CCSER1: variants seen among roughly 807,000 people sequenced by gnomAD.
CCSER1 encodes the protein coiled-coil serine rich protein 1, also known as serine-rich coiled-coil domain-containing protein 1.
Under a neutral mutation model 82.0 loss-of-function variants are expected in CCSER1, and 41 were observed. The ratio of observed to expected loss-of-function variants is 0.50; its 90% CI spans 0.39 to 0.65. The LOEUF (loss-of-function observed/expected upper bound fraction) is 0.65. Among genes scored for constraint, CCSER1 ranks in the 30% least tolerant of loss-of-function variants. The pLI is 0.00. For missense variants in CCSER1, 1,119 were observed against 1,064.2 expected (o/e 1.05, Z -0.72); for synonymous variants, 414 against 383.9 (o/e 1.08, Z -0.92).
intron 6 of CCSER1, among the ~76,000 whole-genome samples, chr4:90,690,811 C>T (rs1054583419): frequency 5.3e-5 from 8 of 151,994 alleles, no homozygotes; most frequent in Admixed American, 2.0e-4. Flanking sequence ...GGATTGAATT[C>T]CTGACTACCT....
chr4:90,376,741 A>G (rs1748378742), intron 3 of CCSER1, among the ~76,000 whole-genome samples: 1 of 152,180 alleles, frequency 6.6e-6, no homozygotes, highest in Admixed American at 6.5e-5. Flanking sequence ...TGATGCAGTC[A>G]TGGGAAAATT....
chr4:90,268,211 T>C (rs981345031), intron 1 of CCSER1, among the ~76,000 whole-genome samples: 1 of 152,126 alleles, frequency 6.6e-6, no homozygotes, highest in South Asian at 2.1e-4. Context: ...CATCTGAAGG[T>C]TCTCACTGGT....
intron 8 of CCSER1, among the ~76,000 whole-genome samples, chr4:90,911,844 G>A (rs1032448012): frequency 6.6e-6 from 1 of 152,206 alleles, no homozygotes; most frequent in Admixed American, 6.5e-5. Flanking sequence ...TCCACGCCTG[G>A]CTCAGAGGGT....
At chr4:91,369,462 T>C (rs1484546713) in intron 10 of CCSER1, among the ~76,000 whole-genome samples, 1 of 152,226 alleles carries the variant, frequency 6.6e-6, no homozygotes, top group African/African-American at 2.4e-5. Flanking sequence ...TTGTTATCTT[T>C]GTCTCCAGAA....
At chr4:91,335,618 A>G (rs539298727) in intron 10 of CCSER1, among the ~76,000 whole-genome samples, 1 of 152,248 alleles carries the variant, frequency 6.6e-6, no homozygotes, top group Admixed American at 6.6e-5. Flanking sequence ...AATAATATCC[A>G]GAACATGAAT....
intron 4 of CCSER1, among the ~76,000 whole-genome samples, chr4:90,446,118 A>T (rs10000109): frequency 0.077 from 11,719 of 152,202 alleles, 606 homozygotes; most frequent in African/African-American, 0.14. Context: ...TTGGCAACTT[A>T]GAATCTGTTC....
intron 10 of CCSER1, among the ~76,000 whole-genome samples, chr4:91,517,744 TCG>T (rs1491144923): frequency 2.4e-5 from 3 of 125,178 alleles, no homozygotes; most frequent in Admixed American, 8.2e-5. Flanking sequence ...CAGTTCTTTC[TCG>T]TGTGTGTGTG....
chr4:90,282,770 G>A (rs1161751151), intron 1 of CCSER1, among the ~76,000 whole-genome samples: 1 of 151,824 alleles, frequency 6.6e-6, no homozygotes, highest in Non-Finnish European at 1.5e-5. Flanking sequence ...TGAGCTTTTT[G>A]GTTAAGACTC....
chr4:91,466,604 C>A (rs1756924278), intron 10 of CCSER1, among the ~76,000 whole-genome samples: 1 of 151,996 alleles, frequency 6.6e-6, no homozygotes, highest in Non-Finnish European at 1.5e-5. Flanking sequence ...TTTAGAAAAC[C>A]CCATCATCTC....
chr4:90,638,272 T>C (rs975531146), intron 6 of CCSER1, among the ~76,000 whole-genome samples: 1 of 152,126 alleles, frequency 6.6e-6, no homozygotes, highest in Non-Finnish European at 1.5e-5. Context: ...CATGTGGTTG[T>C]TGCACAGGTT....
chr4:91,277,529 T>TG, intron 10 of CCSER1, among the ~76,000 whole-genome samples: 1 of 149,466 alleles, frequency 6.7e-6, no homozygotes, highest in South Asian at 2.1e-4. Context: ...TTTTGTCCTT[T>TG]TTTTTTTTTT....
chr4:91,443,200 A>G (rs1009785441), intron 10 of CCSER1, among the ~76,000 whole-genome samples: 1 of 152,164 alleles, frequency 6.6e-6, no homozygotes, highest in African/African-American at 2.4e-5. Flanking sequence ...ACTATTCATA[A>G]TAGCAAAGAC....
At chr4:90,615,085 C>G (rs1416224296) in intron 5 of CCSER1, among the ~76,000 whole-genome samples, 1 of 152,166 alleles carries the variant, frequency 6.6e-6, no homozygotes, top group Non-Finnish European at 1.5e-5. Flanking sequence ...TAGATGACAA[C>G]ACATCTGATT....
chr4:91,076,714 C>G (rs1722033298), intron 9 of CCSER1, among the ~76,000 whole-genome samples: 1 of 152,102 alleles, frequency 6.6e-6, no homozygotes. Flanking sequence ...GCTTTCATTG[C>G]TAGAAAACTG....
At chr4:91,084,451 ATAT>A (rs1233414347) in intron 9 of CCSER1, among the ~76,000 whole-genome samples, 4 of 152,276 alleles carry the variant, frequency 2.6e-5, no homozygotes, top group Non-Finnish European at 5.9e-5. Flanking sequence ...AAATTGAGAG[ATAT>A]TATGTAATTT....
chr4:90,447,900 G>T lies in CCSER1; in HGVS notation c.1604-20334G>T, dbSNP rs577775680. On this transcript the variant is annotated intron_variant, in intron 4 of 10. Transcript: ENST00000509176. ...TCTTATGCATAATTTTTAAATAATT[G>T]CTTTTAAAATATTATAGAGTTAATT... 9.5e-4 allele frequency among the ~76,000 whole-genome samples: 144 copies of T among 152,016 alleles called. 1 individual carries two copies. The highest frequency in any genetic ancestry group is 3.4e-3 in the African/African-American group (140 of 41,476).
chr4:91,074,707 A>G (rs1721779537), intron 9 of CCSER1, among the ~76,000 whole-genome samples: 1 of 152,228 alleles, frequency 6.6e-6, no homozygotes, highest in Non-Finnish European at 1.5e-5. Context: ...GAAGAGGTTG[A>G]GCTACAGTTA....
At chr4:90,902,943 C>T (rs890240785) in intron 8 of CCSER1, among the ~76,000 whole-genome samples, 4 of 151,966 alleles carry the variant, frequency 2.6e-5, no homozygotes, top group Non-Finnish European at 4.4e-5. Context: ...GGACATGATC[C>T]ACTTCCCTAT....
chr4:90,779,874 A>G (rs963753367), intron 7 of CCSER1, among the ~76,000 whole-genome samples: 1 of 152,198 alleles, frequency 6.6e-6, no homozygotes, highest in Non-Finnish European at 1.5e-5. Context: ...TTGCCTTCCA[A>G]CAACTCTGAA....
Sources: gnomAD v4.1 joint callset for allele counts (sites outside exome capture counted in the v4.1 genomes callset) on GRCh38, gnomAD v4.1.1 for gene constraint, MANE v1.5 for transcripts, NCBI Gene and HGNC (gene_info 2026-07-23, HGNC 2026-07-21) for gene names.